The following PRDM16 variants were observed in gnomAD, a reference collection of about 807,000 sequenced individuals.
PRDM16 encodes histone-lysine N-methyltransferase PRDM16.
In PRDM16, 23 loss-of-function variants were observed where a neutral mutation model predicts 110.6. The ratio of observed to expected loss-of-function variants is 0.21; its 90% CI spans 0.15 to 0.29. The LOEUF is 0.29. PRDM16 is among the 10% of genes least tolerant of loss of function. The pLI, the probability that PRDM16 is intolerant of heterozygous loss-of-function variation, is 1.00. For synonymous variants in PRDM16, 799 were observed against 781.8 expected (o/e 1.02, Z -0.37); for missense variants, 1,615 against 1,794.3 (o/e 0.90, Z 1.81).
At chr1:3,429,523 G>A (rs1329545023) in intron 14 of PRDM16, among the ~76,000 whole-genome samples, 1 of 152,230 alleles carries the variant, frequency 6.6e-6, no homozygotes, top group African/African-American at 2.4e-5. Context: ...CCCGTCCTCA[G>A]AGTGGACAGG....
At position 3,278,654 on chromosome 1, in the gene PRDM16, G is replaced by T. The variant is rs113596021; in HGVS notation, c.438+34517G>T. On this transcript the variant is annotated intron_variant, in intron 3 of 16. Coordinates refer to ENST00000270722, the MANE Select transcript of PRDM16 (RefSeq NM_022114.4). ...AGCCAGGACACCCGGCAGCCACAAG[G>T]CCGCCCTCTCTGGAGCCTGTGGTCT... 2.2e-3 allele frequency among the ~76,000 whole-genome samples: 329 copies of T among 152,288 alleles called. 1 individual carries two copies. The highest frequency in any genetic ancestry group is 7.3e-3 in the African/African-American group (303 of 41,556).
chr1:3,180,958 T>C (rs367972422), intron 1 of PRDM16, among the ~76,000 whole-genome samples: 12,575 of 139,820 alleles, frequency 0.09, 896 homozygotes, highest in African/African-American at 0.2. Context: ...ACACACGCAG[T>C]CTTACACACT....
rs1160493186 is a variant in PRDM16 at position 3,350,489 on chromosome 1, G to A, written c.439-34663G>A. Among the ~76,000 whole-genome samples, 1 of 152,176 alleles carries A rather than the reference G, an allele frequency of 6.6e-6. No individual in the cohort carries two copies. Among genetic ancestry groups the A allele is most frequent in the Non-Finnish European group, 1.5e-5 (1 of 68,018 alleles). ...TCAGGTTTGGTGACACTTGGATCCA[G>A]ACATAATGTGTGTTAAGATCAAGGG... On this transcript the variant is annotated intron_variant, in intron 3 of 16. Coordinates refer to ENST00000270722, the MANE Select transcript of PRDM16 (RefSeq NM_022114.4). The surrounding 1 kb of genome is among the most constrained non-coding windows in gnomAD (Gnocchi z 7.1).
At chr1:3,238,287 C>T (rs1477095676) in intron 2 of PRDM16, among the ~76,000 whole-genome samples, 1 of 152,136 alleles carries the variant, frequency 6.6e-6, no homozygotes, top group Non-Finnish European at 1.5e-5. Flanking sequence ...GTAGAGACCT[C>T]TGTGCATTTC....
At chr1:3,352,847 T>C (rs1642520868) in intron 3 of PRDM16, among the ~76,000 whole-genome samples, 1 of 151,792 alleles carries the variant, frequency 6.6e-6, no homozygotes, top group African/African-American at 2.4e-5. Context: ...CTCTGCCCGG[T>C]GTCAGGAACA....
At position 3,412,493 on chromosome 1, in the gene PRDM16, G is replaced by T; in HGVS notation, c.2296G>T (p.Gly766Cys). ...KSPRDALKVGGPSAECPFDLT... is the reference protein window; with the variant it reads ...KSPRDALKVGCPSAECPFDLT... ...ACCCCGGGACGCCCTCAAGGTGGGC[G>T]GCCCCAGTGCCGAGTGCCCCTTTGA... Residue 766 changes from glycine to cysteine, a missense_variant, in exon 9 of 17, where the codon GGC becomes TGC. Transcript: ENST00000270722. 1 of 1,613,360 alleles carries T rather than the reference G, an allele frequency of 6.2e-7. No individual in the cohort carries two copies. The highest frequency in any genetic ancestry group is 1.6e-4 in the Middle Eastern group (1 of 6,062).
chr1:3,164,482 G>A lies in PRDM16; in HGVS notation c.38-21643G>A, dbSNP rs76892092. Among the ~76,000 whole-genome samples, 1,218 of 152,270 alleles carry A rather than the reference G, an allele frequency of 8.0e-3. 14 individuals carry two copies. The highest frequency in any genetic ancestry group is 0.026 in the African/African-American group (1,066 of 41,558). ...CCATGGCCACGTACAGAAAGAGGAC[G>A]GCTTCCAGTCTTCAAATTGGAAACC... On this transcript the variant is annotated intron_variant, in intron 1 of 16. Coordinates refer to ENST00000270722, the MANE Select transcript of PRDM16 (RefSeq NM_022114.4).
intron 4 of PRDM16, among the ~76,000 whole-genome samples, chr1:3,386,105 G>A (rs1054175676): frequency 2.0e-5 from 3 of 152,288 alleles, no homozygotes; most frequent in Admixed American, 6.5e-5. Flanking sequence ...CCTCCCGGGC[G>A]GCACTTTCCG....
At chr1:3,155,771 A>G (rs976287482) in intron 1 of PRDM16, among the ~76,000 whole-genome samples, 34 of 152,202 alleles carry the variant, frequency 2.2e-4, no homozygotes, top group African/African-American at 8.0e-4. Context: ...TCGGGGATTC[A>G]GTGAGAGACC....
intron 3 of PRDM16, among the ~76,000 whole-genome samples, chr1:3,344,401 T>A (rs1642325778): frequency 6.6e-6 from 1 of 152,210 alleles, no homozygotes; most frequent in Non-Finnish European, 1.5e-5. Context: ...TTAATTATAA[T>A]TGGCATTTCC....
intron 1 of PRDM16, among the ~76,000 whole-genome samples, chr1:3,121,239 C>T (rs1263932204): frequency 6.6e-6 from 1 of 152,196 alleles, no homozygotes; most frequent in Non-Finnish European, 1.5e-5. Context: ...GCCCCAGGAG[C>T]CCACCCTCCC....
At position 3,194,683 on chromosome 1, in the gene PRDM16, G is replaced by GCCACACGCCATCGTCTCCCCA. The variant is rs1638416420; in HGVS notation, c.387+8229_387+8230insACCACACGCCATCGTCTCCCC. ...CCCCGCCACATGCCACCGTCTGATC[G>GCCACACGCCATCGTCTCCCCA]CCACACGCCATCGTCTCCCCGCCAC... On this transcript the variant is annotated intron_variant, in intron 2 of 16. Coordinates refer to ENST00000270722, the MANE Select transcript of PRDM16 (RefSeq NM_022114.4). 2.7e-5 allele frequency among the ~76,000 whole-genome samples: 4 copies of GCCACACGCCATCGTCTCCCCA among 145,494 alleles called. No individual in the cohort carries two copies. The Admixed American group carries it at 2.9e-4, about 10-fold the overall frequency.
chr1:3,362,514 G>A (rs1642733621), intron 3 of PRDM16, among the ~76,000 whole-genome samples: 1 of 152,278 alleles, frequency 6.6e-6, no homozygotes, highest in East Asian at 1.9e-4. Flanking sequence ...GGTGGGGCTC[G>A]GGTGTCATCG....
chr1:3,226,480 G>A (rs763128549), intron 2 of PRDM16, among the ~76,000 whole-genome samples: 2 of 152,140 alleles, frequency 1.3e-5, no homozygotes, highest in African/African-American at 4.8e-5. Flanking sequence ...CAGAAATGCC[G>A]TTTGGCAAAG....
chr1:3,286,301 AG>A (rs920927378), intron 3 of PRDM16, among the ~76,000 whole-genome samples: 2 of 152,216 alleles, frequency 1.3e-5, no homozygotes, highest in African/African-American at 4.8e-5. Context: ...TTGCGGACCA[AG>A]GGGGGCCGCA....
At chr1:3,394,364 C>CCA in intron 4 of PRDM16, 4 of 433,750 alleles carry the variant, frequency 9.2e-6, no homozygotes, top group South Asian at 3.2e-5. Context: ...TCCAGGAGGG[C>CCA]CGCCCAGCCC....
chr1:3,126,717 A>G (rs1643216682), intron 1 of PRDM16, among the ~76,000 whole-genome samples: 1 of 152,146 alleles, frequency 6.6e-6, no homozygotes, highest in Admixed American at 6.5e-5. Flanking sequence ...GTAGACAGGA[A>G]CCAGTCCTGG....
intron 3 of PRDM16, among the ~76,000 whole-genome samples, chr1:3,384,838 G>A (rs1032079555): frequency 1.1e-4 from 16 of 152,214 alleles, no homozygotes; most frequent in African/African-American, 3.6e-4. Context: ...GGTCAGCTTT[G>A]CTGCGGGGGT....
chr1:3,233,517 C>T (rs1187381572), intron 2 of PRDM16, among the ~76,000 whole-genome samples: 1 of 152,224 alleles, frequency 6.6e-6, no homozygotes, highest in Non-Finnish European at 1.5e-5. Context: ...CCCCTGCTCA[C>T]AGACACTGGC....
Sources: gnomAD v4.1 joint callset for allele counts (sites outside exome capture counted in the v4.1 genomes callset) on GRCh38, gnomAD v4.1.1 for gene constraint, Gnocchi (gnomAD v3.1) non-coding constraint, MANE v1.5 for transcripts, NCBI Gene and HGNC (gene_info 2026-07-23, HGNC 2026-07-21) for gene names.